NRDE2: variants seen among roughly 807,000 people sequenced by gnomAD.
NRDE2 encodes nuclear exosome regulator NRDE2.
In NRDE2, 76 loss-of-function variants were observed where a neutral mutation model predicts 124.2. That is an observed-to-expected ratio of 0.61 (90% confidence interval 0.51 to 0.74). NRDE2 has a LOEUF of 0.74. Ranked by LOEUF, NRDE2 falls within the 30% of genes least tolerant of loss-of-function variation. The pLI is 0.00. For synonymous variants in NRDE2, 489 were observed against 528.1 expected (o/e 0.93, Z 1.01); for missense variants, 1,314 against 1,417.3 (o/e 0.93, Z 1.17).
intron 1 of NRDE2, among the ~76,000 whole-genome samples, chr14:90,324,126 G>A (rs1433598322): frequency 6.6e-6 from 1 of 151,832 alleles, no homozygotes; most frequent in Non-Finnish European, 1.5e-5. Flanking sequence ...TCTAAAGGAG[G>A]AGGAGTGAAG....
intron 5 of NRDE2, 71 bp from the exon 6 acceptor site, chr14:90,303,196 T>A: frequency 2.1e-6 from 3 of 1,402,084 alleles, no homozygotes; most frequent in Non-Finnish European, 2.9e-6. Flanking sequence ...CAATGCTTAC[T>A]GATTTTCTTA....
rs1034177121 is a variant in NRDE2 at position 90,273,983 on chromosome 14, T to G, written c.*4353A>C. 2.9e-5 allele frequency: 2 copies of G among 68,482 alleles called. No individual in the cohort carries two copies. The highest frequency in any genetic ancestry group is 7.8e-5 in the African/African-American group (2 of 25,716). 4.2% of individuals were successfully genotyped at this position (68,482 alleles called of 1,614,324 possible). On this transcript the variant is annotated 3_prime_UTR_variant, in exon 14 of 14. Transcript: ENST00000354366. ...TTTCCCTGTTTTAAAGTTTACAATC[T>G]TCTTAATTTTTATCTGCAAAGTTCC...
In NRDE2 at chr14:90,286,428, G is replaced by A. The variant is rs768550083; in HGVS notation, c.3223C>T (p.Leu1075=). 1 of 1,614,066 alleles carries A rather than the reference G, an allele frequency of 6.2e-7. No individual in the cohort carries two copies. Among genetic ancestry groups the A allele is most frequent in the Non-Finnish European group, 8.5e-7 (1 of 1,180,036 alleles). Residue 1075 remains leucine (L), a synonymous_variant, in exon 12 of 14, where the codon CTG becomes TTG. Transcript: ENST00000354366. ...TCGCTGCGCATGGCATTTTCAAACAGGGCTTGGATCCGATGCATTAAGCCG... is the reference window on the plus strand; with the variant it reads ...TCGCTGCGCATGGCATTTTCAAACAAGGCTTGGATCCGATGCATTAAGCCG... The part of the protein sequence containing the change: ...ETGLMHRIQA[L]FENAMRSDSG...
Position 90,278,367 on chromosome 14 carries a change from A to G in NRDE2, c.3464T>C (p.Leu1155Pro), listed in dbSNP as rs1474059643. The change falls in exon 14 of 14, where the codon CTG (leucine) becomes CCG (proline). Residue 1155 changes from leucine to proline, a missense_variant. Leu to Pro is a moderately conservative substitution (Grantham distance 98). Coordinates refer to ENST00000354366, the MANE Select transcript of NRDE2 (RefSeq NM_017970.4). The stretch of plus-strand genomic sequence containing the variant: ...CTCCAGCAGCAGCTCCAGCTCCTCC[A>G]GCGGCAGGCGCACCCGGAGCTCCTT... The part of the protein sequence containing the change: ...TEKELRVRLP[L>P]EELELLLED The G allele has an allele frequency of 6.2e-7, 1 of 1,614,088 alleles. No individual in the cohort carries two copies. The highest frequency in any genetic ancestry group is 1.7e-5 in the Admixed American group (1 of 60,022).
intron 12 of NRDE2, among the ~76,000 whole-genome samples, chr14:90,284,470 A>T (rs1400474130): frequency 2.0e-5 from 3 of 151,722 alleles, no homozygotes; most frequent in South Asian, 2.1e-4. Flanking sequence ...GGTTCAAGCG[A>T]TTCTCCTGCC....
At chr14:90,287,033 C>CAAAAAAAAAAAAAA (rs60863011) in intron 11 of NRDE2, among the ~76,000 whole-genome samples, 1 of 23,816 alleles carries the variant, frequency 4.2e-5, no homozygotes, top group Non-Finnish European at 8.5e-5. Context: ...GACTCCGTCT[C>CAAAAAAAAAAAAAA]AAAAAAAAAA....
At position 90,304,372 on chromosome 14, in the gene NRDE2, T is replaced by C; in HGVS notation, c.568A>G (p.Lys190Glu). 1 of 1,596,240 alleles carries C rather than the reference T, an allele frequency of 6.3e-7. No homozygotes were observed. The highest frequency in any genetic ancestry group is 1.4e-5 in the African/African-American group (1 of 73,892). The stretch of plus-strand genomic sequence containing the variant: ...TTAATGCCAAGGCAGGAGTCTCCTT[T>C]CCTCTTGTATCTGATATTAGAAAAA... ...YRGDIARYKR[K>E]GDSCLGINPK... The change falls in exon 5 of 14, where the codon AAA (lysine) becomes GAA (glutamate). Residue 190 changes from lysine (K) to glutamate (E), a missense_variant. Lys to Glu is a moderately conservative substitution (Grantham distance 56). Coordinates refer to ENST00000354366, the MANE Select transcript of NRDE2 (RefSeq NM_017970.4).
intron 8 of NRDE2, among the ~76,000 whole-genome samples, chr14:90,295,518 A>G (rs765840746): frequency 2.0e-5 from 3 of 152,198 alleles, no homozygotes; most frequent in Non-Finnish European, 4.4e-5. Flanking sequence ...AAGAGAAATT[A>G]CCTTTGTGAG....
chr14:90,279,188 G>C, intron 12 of NRDE2, 55 bp from the exon 13 acceptor site: 2 of 1,394,586 alleles, frequency 1.4e-6, no homozygotes, highest in Non-Finnish European at 2.0e-6. Flanking sequence ...AGAGGCTAAG[G>C]CTACACAAAC....
In NRDE2 at chr14:90,277,593, TGCAGGCAG is replaced by T. The variant is rs1453537668; in HGVS notation, c.*735_*742del. 2 of 152,346 alleles carry T rather than the reference TGCAGGCAG, an allele frequency of 1.3e-5. No homozygotes were observed. Among genetic ancestry groups the T allele is most frequent in the Non-Finnish European group, 2.9e-5 (2 of 68,132 alleles). 9.4% of individuals were successfully genotyped at this position (152,346 alleles called of 1,614,324 possible). ...CTGCACAAGCGTGCCGGGCCCCTCATGCAGGCAGGGCTGGGGCTGGCGGTACAGCGTGC... is the reference window on the plus strand; with the variant it reads ...CTGCACAAGCGTGCCGGGCCCCTCATGGCTGGGGCTGGCGGTACAGCGTGC... On this transcript the variant is annotated 3_prime_UTR_variant, in exon 14 of 14. Coordinates refer to ENST00000354366, the MANE Select transcript of NRDE2 (RefSeq NM_017970.4).
At chr14:90,317,076 A>T (rs934102839) in intron 2 of NRDE2, among the ~76,000 whole-genome samples, 2 of 152,164 alleles carry the variant, frequency 1.3e-5, no homozygotes, top group African/African-American at 4.8e-5. Context: ...TCTTTAAATG[A>T]AAGTAACCTA....
intron 8 of NRDE2, 54 bp from the exon 9 acceptor site, chr14:90,292,926 A>C: frequency 6.5e-7 from 1 of 1,537,042 alleles, no homozygotes; most frequent in Non-Finnish European, 8.9e-7. Context: ...CACCATCGCC[A>C]CTCAATCAGC....
In NRDE2 at chr14:90,269,987, CAGAG is replaced by C. The variant is rs1177135022; in HGVS notation, c.*8345_*8348del. 1.8e-6 allele frequency: 1 copy of C among 547,568 alleles called. No individual in the cohort carries two copies. Among genetic ancestry groups the C allele is most frequent in the Non-Finnish European group, 3.2e-6 (1 of 317,010 alleles). 33.9% of individuals were successfully genotyped at this position (547,568 alleles called of 1,614,324 possible). ...TCATTTATTTCTGAAGGTACCAAAG[CAGAG>C]AGAGTTTCTTTTAAATGAAGAGAAT... is the stretch of plus-strand genomic sequence containing the variant. On this transcript the variant is annotated 3_prime_UTR_variant, in exon 14 of 14. Coordinates refer to ENST00000354366, the MANE Select transcript of NRDE2 (RefSeq NM_017970.4).
chr14:90,296,053 T>C (rs1197966734), intron 8 of NRDE2, among the ~76,000 whole-genome samples: 4 of 152,190 alleles, frequency 2.6e-5, no homozygotes, highest in Non-Finnish European at 4.4e-5. Context: ...GAAGTAAAAT[T>C]AGTCTGTGGA....
chr14:90,301,405 G>C (rs1161277299), intron 6 of NRDE2, 33 bp from the exon 7 acceptor site: 1 of 1,608,654 alleles, frequency 6.2e-7, no homozygotes, highest in Admixed American at 1.7e-5. Flanking sequence ...GAAGAAGCCT[G>C]GTTGATACCG....
In NRDE2 at chr14:90,290,420, A is replaced by G. The variant is rs1232250356; in HGVS notation, c.2030T>C (p.Leu677Ser). ...FDNGLYDEKP[L>S]TFFNPLFSGA... The stretch of plus-strand genomic sequence containing the variant: ...AGAAAACAAAGGGTTGAAAAAAGTC[A>G]AGGGCTTTTCATCATAAAGTCCATT... The change falls in exon 10 of 14, where the codon TTG (leucine) becomes TCG (serine). Residue 677 changes from leucine (L) to serine (S), a missense_variant. Coordinates refer to ENST00000354366, the MANE Select transcript of NRDE2 (RefSeq NM_017970.4). 5 of 1,613,984 alleles carry G rather than the reference A, an allele frequency of 3.1e-6. No individual in the cohort carries two copies. The highest frequency in any genetic ancestry group is 4.2e-6 in the Non-Finnish European group (5 of 1,180,032).
chr14:90,331,141 A>C (rs1885683381), intron 1 of NRDE2, among the ~76,000 whole-genome samples: 1 of 151,680 alleles, frequency 6.6e-6, no homozygotes, highest in Non-Finnish European at 1.5e-5. Flanking sequence ...ATGGTCATGA[A>C]CTCCCGGGCT....
At chr14:90,293,165 T>C (rs572564373) in intron 8 of NRDE2, among the ~76,000 whole-genome samples, 4 of 152,258 alleles carry the variant, frequency 2.6e-5, no homozygotes, top group Non-Finnish European at 5.9e-5. Flanking sequence ...GCTGTGATGA[T>C]GAAAATGCCC....
intron 3 of NRDE2, among the ~76,000 whole-genome samples, chr14:90,314,629 T>G (rs2401882): frequency 0.99 from 150,875 of 152,298 alleles, 74,744 homozygotes; most frequent in Middle Eastern, 1. Context: ...TAGCTAGAAG[T>G]TGAGTTTTGG....
Sources: allele counts gnomAD v4.1 joint callset (sites outside exome capture counted in the v4.1 genomes callset), GRCh38; gene constraint gnomAD v4.1.1; transcripts MANE v1.5; gene names NCBI Gene and HGNC (gene_info 2026-07-23, HGNC 2026-07-21).